Variants in ZFYVE9 observed in about 807,000 individuals in gnomAD.
ZFYVE9 encodes the protein zinc finger FYVE domain-containing protein 9.
A neutral mutation model predicts 126.7 loss-of-function variants in ZFYVE9; 43 were observed. The observed-to-expected ratio is 0.34, with a 90% CI of 0.27 to 0.44. ZFYVE9 has a LOEUF of 0.44. Among genes scored for constraint, ZFYVE9 ranks in the 20% least tolerant of loss-of-function variants. ZFYVE9 has a pLI of 1.00. For missense variants in ZFYVE9, 1,476 were observed against 1,697.0 expected (o/e 0.87, Z 2.29); for synonymous variants, 521 against 597.4 (o/e 0.87, Z 1.87).
intron 3 of ZFYVE9, among the ~76,000 whole-genome samples, chr1:52,234,385 C>T (rs1299511667): frequency 6.6e-6 from 1 of 152,112 alleles, no homozygotes; most frequent in Non-Finnish European, 1.5e-5. Flanking sequence ...CACTTGAGCC[C>T]TAGAGATAGA....
chr1:52,181,538 C>A (rs910767303), intron 1 of ZFYVE9, among the ~76,000 whole-genome samples: 4 of 152,198 alleles, frequency 2.6e-5, no homozygotes, highest in African/African-American at 9.6e-5. Flanking sequence ...CTCTGCCTGG[C>A]CGCCCATCGT....
At position 52,242,031 on chromosome 1, in the gene ZFYVE9, C is replaced by CTTT. The variant is rs975430437; in HGVS notation, c.2178+2457_2178+2459dup. ...TTGGAATTTATGATGTCATGGCAAT[C>CTTT]TTTTTTTTTTTTTTTTTTTTTTTGA... On this transcript the variant is annotated intron_variant, in intron 4 of 18. Coordinates refer to ENST00000287727, the MANE Select transcript of ZFYVE9 (RefSeq NM_004799.4). Among the ~76,000 whole-genome samples the CTTT allele has an allele frequency of 6.3e-3, 672 of 106,410 alleles. 26 individuals are homozygous for CTTT. The highest frequency in any genetic ancestry group is 0.016 in the African/African-American group (424 of 25,808). 69.8% of individuals were successfully genotyped at this position (106,410 alleles called of 152,430 possible).
At chr1:52,194,153 T>C (rs1328758022) in intron 1 of ZFYVE9, among the ~76,000 whole-genome samples, 6 of 152,066 alleles carry the variant, frequency 3.9e-5, no homozygotes, top group African/African-American at 1.4e-4. Context: ...CTAGGATATA[T>C]CATTGAGTGA....
At chr1:52,225,584 C>T (rs994609896) in intron 2 of ZFYVE9, among the ~76,000 whole-genome samples, 3 of 152,124 alleles carry the variant, frequency 2.0e-5, no homozygotes, top group African/African-American at 4.8e-5. Flanking sequence ...AAGCTGATCC[C>T]GATTGGCCAA....
intron 1 of ZFYVE9, among the ~76,000 whole-genome samples, chr1:52,198,210 C>T (rs372409406): frequency 1.4e-5 from 2 of 138,742 alleles, no homozygotes; most frequent in African/African-American, 2.6e-5. Flanking sequence ...CAACCTCTGC[C>T]TCCCGGGTTC....
chr1:52,237,312 C>A (rs1645281970), intron 3 of ZFYVE9, among the ~76,000 whole-genome samples, 176 bp from the exon 4 acceptor site: 1 of 152,126 alleles, frequency 6.6e-6, no homozygotes, highest in Non-Finnish European at 1.5e-5. Context: ...CATTTGGTGA[C>A]ATATAATTGC....
In ZFYVE9 at chr1:52,271,005, A is replaced by G. The variant is rs184981506; in HGVS notation, c.2625+2373A>G. 2.6e-5 allele frequency among the ~76,000 whole-genome samples: 4 copies of G among 152,302 alleles called. No individual in the cohort carries two copies. The East Asian group carries it at 7.7e-4, about 29-fold the overall frequency. ...CGAGTTTGAGACCAGCTTGGGCAAC[A>G]TAGTCAGACTCTGTCTCTATATAAA... is the stretch of plus-strand genomic sequence containing the variant. On this transcript the variant is annotated intron_variant, in intron 7 of 18. Coordinates refer to ENST00000287727, the MANE Select transcript of ZFYVE9 (RefSeq NM_004799.4).
chr1:52,229,274 A>G (rs1439959688), intron 2 of ZFYVE9, among the ~76,000 whole-genome samples: 2 of 152,200 alleles, frequency 1.3e-5, no homozygotes, highest in Non-Finnish European at 2.9e-5. Flanking sequence ...TGGCAAGAAT[A>G]CTGTATAGGT....
chr1:52,184,222 GAT>G (rs375204928), intron 1 of ZFYVE9, among the ~76,000 whole-genome samples: 11 of 139,236 alleles, frequency 7.9e-5, no homozygotes, highest in East Asian at 2.1e-4. Context: ...TATATATATA[GAT>G]ATATATATAT....
At position 52,149,913 on chromosome 1, in the gene ZFYVE9, G is replaced by T. The variant is rs868433467; in HGVS notation, c.-143+7510G>T. Among the ~76,000 whole-genome samples the T allele has an allele frequency of 3.9e-5, 6 of 152,278 alleles. No individual in the cohort carries two copies. In the Middle Eastern group the frequency reaches 0.01, roughly 259 times the overall value. ...AGTAGTTCTGGAGCCTTTCTGGTAG[G>T]ATTAATGAAAAGATATGCATTTCTG... is the stretch of plus-strand genomic sequence containing the variant. On this transcript the variant is annotated intron_variant, in intron 1 of 18. Coordinates refer to ENST00000287727, the MANE Select transcript of ZFYVE9 (RefSeq NM_004799.4).
At chr1:52,219,749 TTGTGTGTGTGTG>T (rs56340178) in intron 2 of ZFYVE9, among the ~76,000 whole-genome samples, 4,107 of 113,320 alleles carry the variant, frequency 0.036, 95 homozygotes, top group Non-Finnish European at 0.052. Flanking sequence ...CCAAGATCTT[TTGTGTGTGTGTG>T]TGTGTGTGTG....
At chr1:52,213,091 A>G (rs973622802) in intron 1 of ZFYVE9, among the ~76,000 whole-genome samples, 4 of 152,208 alleles carry the variant, frequency 2.6e-5, no homozygotes, top group Non-Finnish European at 4.4e-5. Context: ...TCATTACTGT[A>G]ATGCTCATTC....
chr1:52,210,814 C>A (rs1217222561), intron 1 of ZFYVE9, among the ~76,000 whole-genome samples: 3 of 152,172 alleles, frequency 2.0e-5, no homozygotes, highest in Admixed American at 2.0e-4. Flanking sequence ...GCCACCACAG[C>A]TGGCTAATTT....
At chr1:52,220,121 A>G (rs932434009) in intron 2 of ZFYVE9, among the ~76,000 whole-genome samples, 5 of 152,126 alleles carry the variant, frequency 3.3e-5, no homozygotes, top group Non-Finnish European at 4.4e-5. Context: ...TAGTAAGGCA[A>G]TGGGAAGGCA....
intron 1 of ZFYVE9, among the ~76,000 whole-genome samples, chr1:52,192,069 G>A (rs1478109301): frequency 6.6e-6 from 1 of 151,292 alleles, no homozygotes; most frequent in Non-Finnish European, 1.5e-5. Flanking sequence ...GAAACACAGT[G>A]AATTTAAGAG....
intron 1 of ZFYVE9, among the ~76,000 whole-genome samples, chr1:52,193,834 A>G (rs1174257893): frequency 6.6e-6 from 1 of 152,094 alleles, no homozygotes; most frequent in Non-Finnish European, 1.5e-5. Context: ...CCAAGGAGGC[A>G]TATACAAGGG....
chr1:52,190,836 C>T (rs1644809729), intron 1 of ZFYVE9, among the ~76,000 whole-genome samples: 1 of 152,170 alleles, frequency 6.6e-6, no homozygotes, highest in African/African-American at 2.4e-5. Context: ...GTGTCAGTAA[C>T]TATTAATAGC....
chr1:52,260,115 G>A (rs1461068872), intron 4 of ZFYVE9, among the ~76,000 whole-genome samples: 1 of 151,688 alleles, frequency 6.6e-6, no homozygotes, highest in Non-Finnish European at 1.5e-5. Context: ...AATTTTAAAA[G>A]ATATTGTCAA....
chr1:52,151,684 T>G (rs1429598395), intron 1 of ZFYVE9, among the ~76,000 whole-genome samples: 1 of 151,328 alleles, frequency 6.6e-6, no homozygotes, highest in Non-Finnish European at 1.5e-5. Context: ...CCTGGCTAAT[T>G]TTTTGTATTT....
Sources: allele counts gnomAD v4.1 joint callset (sites outside exome capture counted in the v4.1 genomes callset), GRCh38; gene constraint gnomAD v4.1.1; transcripts MANE v1.5; gene names NCBI Gene and HGNC (gene_info 2026-07-23, HGNC 2026-07-21).